The following ABCG2 variants were observed in gnomAD, a reference collection of about 807,000 sequenced individuals.
The protein encoded by ABCG2 is broad substrate specificity ATP-binding cassette transporter ABCG2.
In ABCG2, 80 loss-of-function variants were observed where a neutral mutation model predicts 73.5. The observed-to-expected ratio is 1.09, with a 90% CI of 0.91 to 1.31. The LOEUF is 1.31. Ranked by LOEUF, ABCG2 falls within the 50% of genes most tolerant of loss-of-function variation. The pLI is 0.00. For missense variants in ABCG2, 796 were observed against 786.2 expected (o/e 1.01, Z -0.15); for synonymous variants, 269 against 282.4 (o/e 0.95, Z 0.48).
chr4:88,139,767 G>C (rs2110055353), intron 2 of ABCG2, 26 bp downstream of exon 2: 2 of 1,593,596 alleles, frequency 1.3e-6, no homozygotes, highest in East Asian at 4.5e-5. Flanking sequence ...TTAAAAAGCT[G>C]TCTTTTTACA....
In ABCG2 at chr4:88,195,906, C is replaced by G. The variant is rs112710034; in HGVS notation, c.-20+35088G>C. Among the ~76,000 whole-genome samples the G allele has an allele frequency of 7.1e-3, 1,079 of 152,284 alleles. 7 individuals carry two copies. Among genetic ancestry groups the G allele is most frequent in the African/African-American group, 0.023 (964 of 41,552 alleles). ...TCAAATGTTCTCAGGAGGCCATATA[C>G]CAGTTAAACTCGGCATTTTGCCTCT... On this transcript the variant is annotated intron_variant, in intron 1 of 15. Transcript: ENST00000515655.
At position 88,165,105 on chromosome 4, in the gene ABCG2, T is replaced by C. The variant is rs538989157; in HGVS notation, c.-19-25091A>G. Among the ~76,000 whole-genome samples, 7 of 152,250 alleles carry C rather than the reference T, an allele frequency of 4.6e-5. No individual in the cohort carries two copies. The East Asian group carries it at 9.7e-4, about 21-fold the overall frequency. ...AGGTAAATGTTTTAATTAGAGAAAA[T>C]TGAAATAAATATCTGGCCCATAACT... On this transcript the variant is annotated intron_variant, in intron 1 of 15. Coordinates refer to the ABCG2 transcript ENST00000515655.
rs547101502 is a variant in ABCG2, at chr4:88,091,177, C to A, written c.*1057G>T. On this transcript the variant is annotated 3_prime_UTR_variant, in exon 16 of 16. Coordinates refer to ENST00000237612, the MANE Select transcript of ABCG2 (RefSeq NM_004827.3). The stretch of plus-strand genomic sequence containing the variant: ...TGTGCTACAATCTTCTATTTCTTGA[C>A]CTGAATTGATGGTTGCACATGTGTG... 1 of 152,268 alleles carries A rather than the reference C, an allele frequency of 6.6e-6. No homozygotes were observed. The highest frequency in any genetic ancestry group is 2.4e-5 in the African/African-American group (1 of 41,556). The allele number at this position is 152,268 out of a possible 1,614,324, so 9.4% of individuals were successfully genotyped here.
chr4:88,122,030 G>C (rs1428836258), intron 5 of ABCG2, among the ~76,000 whole-genome samples: 1 of 152,080 alleles, frequency 6.6e-6, no homozygotes, highest in East Asian at 1.9e-4. Context: ...CTCCTTGGGT[G>C]AGGCTATGCC....
chr4:88,190,662 T>C (rs1187976346), intron 1 of ABCG2, among the ~76,000 whole-genome samples: 1 of 152,188 alleles, frequency 6.6e-6, no homozygotes, highest in Admixed American at 6.5e-5. Flanking sequence ...TTCTAAAATA[T>C]ATTTTAACCA....
At chr4:88,226,950 A>G (rs1730241112) in intron 1 of ABCG2, 5 of 152,270 alleles carry the variant, frequency 3.3e-5, no homozygotes, top group Admixed American at 3.3e-4. Flanking sequence ...AGCCTCCACA[A>G]AAAATTTAAA....
chr4:88,203,843 ATAT>A (rs1449434623), intron 1 of ABCG2, among the ~76,000 whole-genome samples: 1 of 150,864 alleles, frequency 6.6e-6, no homozygotes, highest in Non-Finnish European at 1.5e-5. Context: ...CATTTTTCTG[ATAT>A]TATCGGAATA....
intron 1 of ABCG2, among the ~76,000 whole-genome samples, chr4:88,178,267 G>A (rs932061563): frequency 5.3e-5 from 8 of 152,154 alleles, no homozygotes; most frequent in Admixed American, 5.2e-4. Context: ...AGTCAGAGTT[G>A]TGAGGCCCTA....
rs34485575 is a variant in ABCG2, at chr4:88,107,286, CA to C, written c.1195-21del. On this transcript the variant is annotated intron_variant, in intron 9 of 15. Transcript: ENST00000237612. ...AATGATCTTTTCAAAAAGAAAAATG[CA>C]AAAAAAGGGGAAGAGTTTCAATTAG... 60 of 1,540,116 alleles carry C rather than the reference CA, an allele frequency of 3.9e-5. No individual in the cohort carries two copies. Among genetic ancestry groups the C allele is most frequent in the Admixed American group, 5.9e-5 (3 of 50,652 alleles).
chr4:88,172,838 A>G (rs35228269), intron 1 of ABCG2, among the ~76,000 whole-genome samples: 36,056 of 151,910 alleles, frequency 0.24, 5,649 homozygotes, highest in African/African-American at 0.45. Context: ...TCCAGACAGT[A>G]TGCATGAAGA....
In ABCG2 at chr4:88,144,846, G is replaced by A. The variant is rs1164469941; in HGVS notation, c.-19-4832C>T. Among the ~76,000 whole-genome samples, 5 of 151,928 alleles carry A rather than the reference G, an allele frequency of 3.3e-5. No individual in the cohort carries two copies. In the South Asian group the frequency reaches 1.0e-3, roughly 31 times the overall value. On this transcript the variant is annotated intron_variant, in intron 1 of 15. Coordinates refer to ENST00000237612, the MANE Select transcript of ABCG2 (RefSeq NM_004827.3). ...AATGATAATCTGCATTACAGATACC[G>A]TATTTCTCAATTTTTTTACTCTTTA...
chr4:88,216,864 C>G (rs570031334), intron 1 of ABCG2, among the ~76,000 whole-genome samples: 73 of 151,850 alleles, frequency 4.8e-4, no homozygotes, highest in Non-Finnish European at 9.3e-4. Flanking sequence ...ACCCCCCTCT[C>G]TACTAAAAAT....
At chr4:88,151,131 A>G (rs1425918686) in intron 1 of ABCG2, among the ~76,000 whole-genome samples, 1 of 152,214 alleles carries the variant, frequency 6.6e-6, no homozygotes, top group Non-Finnish European at 1.5e-5. Context: ...TAGAAGACAT[A>G]GGGAGGACAG....
intron 1 of ABCG2, among the ~76,000 whole-genome samples, chr4:88,147,749 C>A (rs1726154885): frequency 2.0e-5 from 3 of 152,172 alleles, no homozygotes; most frequent in African/African-American, 7.2e-5. Flanking sequence ...AACTCTTCTA[C>A]AGAATTTAGA....
chr4:88,197,664 G>T (rs1049464909), intron 1 of ABCG2, among the ~76,000 whole-genome samples: 11 of 151,926 alleles, frequency 7.2e-5, no homozygotes, highest in Non-Finnish European at 1.5e-4. Flanking sequence ...AATGAGCTGG[G>T]TGGGCTGGCA....
chr4:88,226,388 A>G (rs1278013240), intron 1 of ABCG2, among the ~76,000 whole-genome samples: 1 of 152,212 alleles, frequency 6.6e-6, no homozygotes, highest in East Asian at 1.9e-4. Context: ...ATGTTTGACC[A>G]TGACTAAACC....
At chr4:88,137,064 A>ATAAAATAAAATAAAATAAAAT (rs1725308795) in intron 2 of ABCG2, among the ~76,000 whole-genome samples, 3 of 150,940 alleles carry the variant, frequency 2.0e-5, no homozygotes, top group Admixed American at 6.6e-5. Context: ...ATAAAATAAG[A>ATAAAATAAAATAAAATAAAAT]ATGAGGAGAT....
chr4:88,153,404 T>C (rs1726679423), intron 1 of ABCG2, among the ~76,000 whole-genome samples: 1 of 151,958 alleles, frequency 6.6e-6, no homozygotes, highest in South Asian at 2.1e-4. Flanking sequence ...TTTGTCGCAT[T>C]CCGAAGACAG....
At chr4:88,134,153 G>A (rs183987932) in intron 2 of ABCG2, among the ~76,000 whole-genome samples, 189 of 152,214 alleles carry the variant, frequency 1.2e-3, no homozygotes, top group Non-Finnish European at 1.3e-3. Flanking sequence ...CAAATGGAAG[G>A]TCAAAGCCAA....
Sources: gnomAD v4.1 joint callset for allele counts (sites outside exome capture counted in the v4.1 genomes callset) on GRCh38, gnomAD v4.1.1 for gene constraint, MANE v1.5 for transcripts, NCBI Gene and HGNC (gene_info 2026-07-23, HGNC 2026-07-21) for gene names.